Variants in GRID2 observed in about 807,000 individuals in gnomAD.
GRID2 encodes glutamate receptor ionotropic, delta-2.
A neutral mutation model predicts 114.8 loss-of-function variants in GRID2; 33 were observed. That is an observed-to-expected ratio of 0.29 (90% CI 0.22 to 0.38). GRID2 has a LOEUF of 0.38. Among genes scored for constraint, GRID2 ranks in the 10% least tolerant of loss-of-function variants. GRID2 has a pLI of 1.00. For synonymous variants in GRID2, 505 were observed against 449.9 expected (o/e 1.12, Z -1.55); for missense variants, 1,184 against 1,257.7 (o/e 0.94, Z 0.89).
intron 1 of GRID2, among the ~76,000 whole-genome samples, chr4:92,587,802 C>T (rs1270601950): frequency 1.3e-5 from 2 of 152,092 alleles, no homozygotes; most frequent in Non-Finnish European, 2.9e-5. Context: ...ATGTTTAAGG[C>T]AATATTAAGT....
chr4:92,805,171 G>A (rs1172364609), intron 2 of GRID2, among the ~76,000 whole-genome samples: 1 of 151,932 alleles, frequency 6.6e-6, no homozygotes, highest in Non-Finnish European at 1.5e-5. Flanking sequence ...AACTACTGCA[G>A]TGCAGCTTTT....
chr4:93,018,051 T>C (rs762161232), intron 2 of GRID2, among the ~76,000 whole-genome samples: 72 of 151,920 alleles, frequency 4.7e-4, no homozygotes, highest in Non-Finnish European at 4.7e-4. Context: ...ATTTTTATTA[T>C]GTCCTACAGT....
intron 1 of GRID2, among the ~76,000 whole-genome samples, chr4:92,420,811 A>G (rs988596089): frequency 2.0e-5 from 3 of 152,156 alleles, no homozygotes; most frequent in African/African-American, 7.2e-5. Flanking sequence ...CAGCATCCTG[A>G]GTAGCTGGGA....
intron 2 of GRID2, among the ~76,000 whole-genome samples, chr4:92,823,261 A>G (rs1741422386): frequency 6.6e-6 from 1 of 152,158 alleles, no homozygotes; most frequent in Admixed American, 6.6e-5. Flanking sequence ...AACTATGAAC[A>G]TTTCATGGCA....
intron 14 of GRID2, among the ~76,000 whole-genome samples, chr4:93,711,781 T>C (rs1001012751): frequency 6.6e-6 from 1 of 152,148 alleles, no homozygotes; most frequent in Non-Finnish European, 1.5e-5. Flanking sequence ...GGGCGGGTGG[T>C]GGTGTAGACA....
intron 8 of GRID2, among the ~76,000 whole-genome samples, chr4:93,271,615 A>T (rs1751467240): frequency 6.6e-6 from 1 of 152,180 alleles, no homozygotes; most frequent in South Asian, 2.1e-4. Context: ...AGAGGTTTTT[A>T]AAATTGTTGA....
chr4:92,884,959 A>G (rs1329211047), intron 2 of GRID2: 8 of 319,788 alleles, frequency 2.5e-5, no homozygotes, highest in Admixed American at 8.2e-5. Context: ...CGCATCTAAA[A>G]GGCAAAGTGT....
At chr4:92,511,168 G>A (rs377657730) in intron 1 of GRID2, among the ~76,000 whole-genome samples, 27 of 151,912 alleles carry the variant, frequency 1.8e-4, no homozygotes, top group African/African-American at 6.5e-4. Context: ...CTTCTAGGCA[G>A]GCCTTAGGGA....
chr4:93,469,084 G>C (rs1724555792), intron 11 of GRID2, among the ~76,000 whole-genome samples: 1 of 152,086 alleles, frequency 6.6e-6, no homozygotes, highest in Non-Finnish European at 1.5e-5. Flanking sequence ...TAAATCAAGA[G>C]ATACGTCTCA....
rs372052860 is a variant in GRID2 at position 92,437,812 on chromosome 4, A to G, written c.88+133068A>G. The stretch of plus-strand genomic sequence containing the variant: ...CAATAAATTGGATTGCTTCGGCTCA[A>G]GGTAAACCACCACTTTAAGAATTAA... On this transcript the variant is annotated intron_variant, in intron 1 of 15. Coordinates refer to ENST00000282020, the MANE Select transcript of GRID2 (RefSeq NM_001510.4). 7.9e-5 allele frequency among the ~76,000 whole-genome samples: 12 copies of G among 152,360 alleles called. No individual in the cohort carries two copies. In the East Asian group the frequency reaches 2.1e-3, roughly 27 times the overall value.
At chr4:93,676,750 T>C (rs904256072) in intron 14 of GRID2, among the ~76,000 whole-genome samples, 3 of 143,916 alleles carry the variant, frequency 2.1e-5, no homozygotes, top group African/African-American at 5.2e-5. Flanking sequence ...AAAAAAGATA[T>C]TACAAAAAAA....
intron 2 of GRID2, among the ~76,000 whole-genome samples, chr4:92,978,500 A>G (rs375656833): frequency 6.6e-6 from 1 of 151,972 alleles, no homozygotes; most frequent in African/African-American, 2.4e-5. Flanking sequence ...TGTTGTTTTT[A>G]TTCCTACTTT....
In GRID2 at chr4:92,960,435, G is replaced by A. The variant is rs541595109; in HGVS notation, c.245-124560G>A. On this transcript the variant is annotated intron_variant, in intron 2 of 15. Transcript: ENST00000282020. The stretch of plus-strand genomic sequence containing the variant: ...TATTAGTTGTTCCCTGATGTATTCC[G>A]ATGCAATGCTGTTAAGTATGTACAT... 2.1e-4 allele frequency among the ~76,000 whole-genome samples: 32 copies of A among 151,980 alleles called. No homozygotes were observed. In the South Asian group the frequency reaches 3.5e-3, roughly 17 times the overall value.
chr4:93,532,835 A>G (rs1731588175), intron 13 of GRID2, among the ~76,000 whole-genome samples: 1 of 152,162 alleles, frequency 6.6e-6, no homozygotes, highest in Admixed American at 6.6e-5. Flanking sequence ...ATACACAATA[A>G]TAAAAGACTC....
chr4:92,820,016 A>G (rs549930048), intron 2 of GRID2, among the ~76,000 whole-genome samples: 2 of 152,124 alleles, frequency 1.3e-5, no homozygotes, highest in East Asian at 3.9e-4. Flanking sequence ...TTACAATCTC[A>G]TTTTTGAAAG....
chr4:92,996,414 G>A (rs767700040), intron 2 of GRID2, among the ~76,000 whole-genome samples: 20 of 152,018 alleles, frequency 1.3e-4, no homozygotes, highest in Admixed American at 3.3e-4. Context: ...AAGCACTCAC[G>A]TGTGTGTATA....
At chr4:92,924,035 G>C (rs189641516) in intron 2 of GRID2, among the ~76,000 whole-genome samples, 3 of 152,148 alleles carry the variant, frequency 2.0e-5, no homozygotes, top group Non-Finnish European at 2.9e-5. Flanking sequence ...TTAAGAAAAT[G>C]TGGCACATAT....
chr4:92,405,729 A>G (rs1205283522), intron 1 of GRID2, among the ~76,000 whole-genome samples: 1 of 150,086 alleles, frequency 6.7e-6, no homozygotes, highest in Non-Finnish European at 1.5e-5. Flanking sequence ...AAAAAAAAAA[A>G]TCAGCTTATA....
chr4:93,184,393 C>T lies in GRID2; in HGVS notation c.736-23011C>T, dbSNP rs1296115657. ...ACATTCAGTCAAGGTTTTGAAGTGC[C>T]TGCTTCTTTTGGCTCTAATTTTGTA... On this transcript the variant is annotated intron_variant, in intron 4 of 15. Coordinates refer to ENST00000282020, the MANE Select transcript of GRID2 (RefSeq NM_001510.4). 2.0e-5 allele frequency among the ~76,000 whole-genome samples: 3 copies of T among 151,382 alleles called. No individual in the cohort carries two copies. In the Admixed American group the frequency reaches 2.0e-4, roughly 10 times the overall value.
Sources: allele counts gnomAD v4.1 joint callset (sites outside exome capture counted in the v4.1 genomes callset), GRCh38; gene constraint gnomAD v4.1.1; transcripts MANE v1.5; gene names NCBI Gene and HGNC (gene_info 2026-07-23, HGNC 2026-07-21).